Variants in TRPC3 observed in about 807,000 individuals in gnomAD.
TRPC3 encodes transient receptor potential cation channel subfamily C member 3.
In TRPC3, 54 loss-of-function variants were observed where a neutral mutation model predicts 90.9. That is an observed-to-expected ratio of 0.59 (90% CI 0.48 to 0.75). The LOEUF (loss-of-function observed/expected upper bound fraction) is 0.75. TRPC3 is among the 30% of genes least tolerant of loss of function. TRPC3 has a pLI of 0.00. For synonymous variants in TRPC3, 424 were observed against 450.9 expected, an observed-to-expected ratio of 0.94 and a Z score of 0.75; for missense variants, 918 against 1,194.5, an observed-to-expected ratio of 0.77 and a Z score of 3.41.
chr4:121,907,624 G>C, intron 6 of TRPC3, 57 bp from the exon 7 acceptor site: 5 of 1,540,108 alleles, frequency 3.2e-6, no homozygotes, highest in Non-Finnish European at 3.5e-6. Context: ...TGCCAACTAC[G>C]CAAAGCAAAT....
Position 121,932,173 on chromosome 4 carries a change from A to G in TRPC3, c.987+98T>C, listed in dbSNP as rs1729955092. 1 of 1,529,578 alleles carries G rather than the reference A, an allele frequency of 6.5e-7. No homozygotes were observed. Among genetic ancestry groups the G allele is most frequent in the Admixed American group, 2.0e-5 (1 of 50,494 alleles). 94.8% of individuals were successfully genotyped at this position (1,529,578 alleles called of 1,614,324 possible). A position where few individuals can be genotyped will look rare whatever the true frequency, so the allele number is the denominator to read the frequency against. ...CCTCGTGATTTCACATTCACTGGGC[A>G]AAACCGAATGTGGAGCGAACGGTGG... On this transcript the variant is annotated intron_variant, in intron 2 of 11. Coordinates refer to ENST00000379645, the MANE Select transcript of TRPC3 (RefSeq NM_001130698.2). This position sits in a 1 kb window ranked among gnomAD's most constrained non-coding sequence, Gnocchi z 7.7.
chr4:121,925,393 C>T (rs2149136677), intron 2 of TRPC3, among the ~76,000 whole-genome samples, 187 bp from the exon 3 acceptor site: 1 of 152,182 alleles, frequency 6.6e-6, no homozygotes, highest in South Asian at 2.1e-4. Context: ...GCCAGGTTTC[C>T]TTCTGCTGCA....
At chr4:121,921,057 G>T (rs1003136304) in intron 3 of TRPC3, among the ~76,000 whole-genome samples, 1 of 151,992 alleles carries the variant, frequency 6.6e-6, no homozygotes, top group African/African-American at 2.4e-5. Context: ...CTCCTATTCT[G>T]GTGTTTTATA....
chr4:121,889,904 T>C (rs1728261753), intron 10 of TRPC3, among the ~76,000 whole-genome samples: 1 of 152,246 alleles, frequency 6.6e-6, no homozygotes, highest in East Asian at 1.9e-4. Context: ...AGCCAAAATA[T>C]GGAATCAACC....
intron 1 of TRPC3, among the ~76,000 whole-genome samples, chr4:121,949,530 G>A (rs951720607): frequency 2.0e-5 from 3 of 152,012 alleles, no homozygotes; most frequent in Non-Finnish European, 2.9e-5. Flanking sequence ...AATAAACACT[G>A]TTTATGAAAC....
At chr4:121,897,453 C>A (rs1410355815) in intron 10 of TRPC3, among the ~76,000 whole-genome samples, 3 of 43,420 alleles carry the variant, frequency 6.9e-5, no homozygotes, top group Admixed American at 3.6e-4. Context: ...ATCTCAACAG[C>A]AAAAAAAAAA....
At position 121,910,214 on chromosome 4, in the gene TRPC3, C is replaced by T. The variant is rs199633821; in HGVS notation, c.1732G>A (p.Val578Ile). The T allele has an allele frequency of 3.0e-5, 49 of 1,613,732 alleles. No homozygotes were observed. The highest frequency in any genetic ancestry group is 8.9e-5 in the East Asian group (4 of 44,874). ...ACTTCACTGAGGTCACTCTCTTGGA[C>T]GTAACTGTCCACATACTGTTGTGCC... ...TKAQQYVDSY[V>I]QESDLSEVTL... is the part of the protein sequence containing the mutation. The change falls in exon 6 of 12, where the codon GTC becomes ATC. Residue 578 changes from valine to isoleucine, a missense_variant. Val to Ile is a conservative substitution (Grantham distance 29). This residue lies in a region of TRPC3 where 147 missense variants were observed against 263.5 expected (regional missense o/e 0.56). Transcript: ENST00000379645.
chr4:121,948,357 C>T (rs1730563388), intron 1 of TRPC3, among the ~76,000 whole-genome samples: 1 of 125,612 alleles, frequency 8.0e-6, no homozygotes, highest in Admixed American at 8.7e-5. Flanking sequence ...TCCATAGATT[C>T]TAGCTGGTTT....
intron 1 of TRPC3, among the ~76,000 whole-genome samples, chr4:121,940,205 T>G (rs1055942171): frequency 6.6e-6 from 1 of 152,170 alleles, no homozygotes; most frequent in African/African-American, 2.4e-5. Context: ...CCCTGCCAAA[T>G]GTAGAGCAAG....
chr4:121,936,378 ACCCTCAGATCTTC>A (rs1198378375), intron 1 of TRPC3, among the ~76,000 whole-genome samples: 2 of 152,202 alleles, frequency 1.3e-5, no homozygotes, highest in Non-Finnish European at 2.9e-5. Context: ...GGAATTTCCT[ACCCTCAGATCTTC>A]ATCCAATGGG....
chr4:121,938,831 A>G (rs746559729), intron 1 of TRPC3, among the ~76,000 whole-genome samples: 1 of 151,334 alleles, frequency 6.6e-6, no homozygotes, highest in Non-Finnish European at 1.5e-5. Flanking sequence ...TGTTTTCACC[A>G]TATCACACTT....
At chr4:121,898,252 G>C (rs572215044) in intron 10 of TRPC3, among the ~76,000 whole-genome samples, 1 of 152,104 alleles carries the variant, frequency 6.6e-6, no homozygotes, top group Admixed American at 6.6e-5. Flanking sequence ...TCTACACCAG[G>C]AGTCCCCAAC....
rs184811206 is a variant in TRPC3 at position 121,875,169 on chromosome 4, G to A, written c.*4567C>T. Among the ~76,000 whole-genome samples, 6 of 151,810 alleles carry A rather than the reference G, an allele frequency of 4.0e-5. No homozygotes were observed. The highest frequency in any genetic ancestry group is 1.4e-4 in the African/African-American group (6 of 41,480). On this transcript the variant is annotated 3_prime_UTR_variant, in exon 12 of 12. Coordinates refer to ENST00000379645, the MANE Select transcript of TRPC3 (RefSeq NM_001130698.2). ...ACCAAAGACAGACAATGCTGGCAGT[G>A]CTTACTTTCCATTTAGCAAGTGATG... is the stretch of plus-strand genomic sequence containing the variant.
intron 10 of TRPC3, among the ~76,000 whole-genome samples, chr4:121,889,277 C>A (rs776967042): frequency 4.6e-5 from 7 of 151,924 alleles, no homozygotes; most frequent in Non-Finnish European, 8.8e-5. Context: ...GCAACAAAAG[C>A]AAAAATAGGC....
intron 2 of TRPC3, 23 bp from the exon 3 acceptor site, chr4:121,925,229 T>C: frequency 1.9e-6 from 3 of 1,586,186 alleles, no homozygotes; most frequent in Non-Finnish European, 2.6e-6. Flanking sequence ...GGTTTAGTGT[T>C]TTAACACAAA....
intron 10 of TRPC3, among the ~76,000 whole-genome samples, chr4:121,883,027 G>A (rs1291976408): frequency 6.6e-6 from 1 of 151,614 alleles, no homozygotes; most frequent in Non-Finnish European, 1.5e-5. Flanking sequence ...TTCTCTAATA[G>A]CAATATATGT....
rs1163932789 is a variant in TRPC3, at chr4:121,875,889, A to ATTTTTT, written c.*3841_*3846dup. Among the ~76,000 whole-genome samples, 2 of 75,094 alleles carry ATTTTTT rather than the reference A, an allele frequency of 2.7e-5. No individual in the cohort carries two copies. Among genetic ancestry groups the ATTTTTT allele is most frequent in the Non-Finnish European group, 2.5e-5 (1 of 39,980 alleles). The allele number at this position is 75,094 out of a possible 152,430, so 49.3% of individuals were successfully genotyped here. A position where few individuals can be genotyped will look rare whatever the true frequency, so the allele number is the denominator to read the frequency against. On this transcript the variant is annotated 3_prime_UTR_variant, in exon 12 of 12. Transcript: ENST00000379645. Reference sequence around the variant, plus strand: ...ACAAAGTTATAAATACCCATTTTAGATTTTTTTTTTTTTTTTTTTTTTTTT... The same window carrying ATTTTTT: ...ACAAAGTTATAAATACCCATTTTAGATTTTTTTTTTTTTTTTTTTTTTTTTTTTTTT...
At chr4:121,885,532 C>T (rs1728086093) in intron 10 of TRPC3, among the ~76,000 whole-genome samples, 1 of 152,086 alleles carries the variant, frequency 6.6e-6, no homozygotes, top group African/African-American at 2.4e-5. Context: ...TAGACAGTGT[C>T]TTGTAAAAGA....
chr4:121,921,935 T>C (rs34407516), intron 3 of TRPC3, among the ~76,000 whole-genome samples: 1 of 149,410 alleles, frequency 6.7e-6, no homozygotes, highest in Admixed American at 6.6e-5. Context: ...TTTTTTTTTT[T>C]CGAGTCGGAG....
Sources: allele counts gnomAD v4.1 joint callset (sites outside exome capture counted in the v4.1 genomes callset), GRCh38; gene constraint gnomAD v4.1.1; regional missense constraint gnomAD v4.1.1; non-coding constraint Gnocchi (gnomAD v3.1); transcripts MANE v1.5; gene names NCBI Gene and HGNC (gene_info 2026-07-23, HGNC 2026-07-21).